ERBB4: variants seen among roughly 807,000 people sequenced by gnomAD.
ERBB4 encodes the protein erb-b2 receptor tyrosine kinase 4, also known as receptor tyrosine-protein kinase erbB-4.
In ERBB4, 42 loss-of-function variants were observed where a neutral mutation model predicts 158.0. The observed-to-expected ratio is 0.27, with a 90% CI of 0.21 to 0.34. ERBB4 has a LOEUF of 0.34. ERBB4 is among the 10% of genes least tolerant of loss of function. The pLI, the probability that ERBB4 is intolerant of heterozygous loss-of-function variation, is 1.00. For synonymous variants in ERBB4, 583 were observed against 558.7 expected (o/e 1.04, Z -0.61); for missense variants, 1,333 against 1,624.1 (o/e 0.82, Z 3.08).
chr2:212,239,334 C>T (rs1250274763), intron 1 of ERBB4, among the ~76,000 whole-genome samples: 1 of 152,222 alleles, frequency 6.6e-6, no homozygotes, highest in African/African-American at 2.4e-5. Flanking sequence ...TGACCCATCA[C>T]ACCCAGCTAG....
At chr2:211,490,897 T>C (rs1448958607) in intron 20 of ERBB4, among the ~76,000 whole-genome samples, 4 of 152,104 alleles carry the variant, frequency 2.6e-5, no homozygotes, top group Non-Finnish European at 5.9e-5. Context: ...TTTGCCTCAG[T>C]TGTGTATAGA....
At chr2:212,530,609 G>C (rs1037002207) in intron 1 of ERBB4, among the ~76,000 whole-genome samples, 1 of 152,152 alleles carries the variant, frequency 6.6e-6, no homozygotes, top group Non-Finnish European at 1.5e-5. Context: ...TATAGTCACA[G>C]AGCCTGGAGA....
chr2:211,383,581 G>A lies in ERBB4; in HGVS notation c.*34C>T, dbSNP rs899718455. The A allele has an allele frequency of 3.2e-6, 5 of 1,563,852 alleles. No homozygotes were observed. The highest frequency in any genetic ancestry group is 1.4e-5 in the African/African-American group (1 of 73,898). Reference sequence around the variant, plus strand: ...GAGGGGGGTGGGGAAATTGGAGCAGGTGTGTCTCTCCACCTAAAAAACCAC... The same window carrying A: ...GAGGGGGGTGGGGAAATTGGAGCAGATGTGTCTCTCCACCTAAAAAACCAC... On this transcript the variant is annotated 3_prime_UTR_variant, in exon 28 of 28. Transcript: ENST00000342788.
At position 211,653,281 on chromosome 2, in the gene ERBB4, A is replaced by G. The variant is rs552015036; in HGVS notation, c.1946+4473T>C. On this transcript the variant is annotated intron_variant, in intron 16 of 27. Coordinates refer to ENST00000342788, the MANE Select transcript of ERBB4 (RefSeq NM_005235.3). Reference sequence around the variant, plus strand: ...ATTCTAGGAGACTAAAGGTAAAAAAAGAAATTCTATTCTATCTTATCCAAT... The same window carrying G: ...ATTCTAGGAGACTAAAGGTAAAAAAGGAAATTCTATTCTATCTTATCCAAT... 3.4e-4 allele frequency among the ~76,000 whole-genome samples: 52 copies of G among 152,338 alleles called. 1 individual carries two copies. In the South Asian group the frequency reaches 0.01, roughly 30 times the overall value.
At chr2:212,531,534 G>C (rs1692758151) in intron 1 of ERBB4, among the ~76,000 whole-genome samples, 1 of 152,184 alleles carries the variant, frequency 6.6e-6, no homozygotes, top group Admixed American at 6.5e-5. Flanking sequence ...TTAGGTCCAA[G>C]GACAGGCCTA....
intron 2 of ERBB4, among the ~76,000 whole-genome samples, chr2:211,976,857 A>G (rs964609334): frequency 1.6e-4 from 24 of 152,302 alleles, no homozygotes; most frequent in African/African-American, 5.5e-4. Flanking sequence ...TATGACTTAC[A>G]CGTTGCAAGA....
chr2:211,500,159 C>T (rs2065581506), intron 20 of ERBB4, among the ~76,000 whole-genome samples: 1 of 152,042 alleles, frequency 6.6e-6, no homozygotes, highest in Non-Finnish European at 1.5e-5. Context: ...TGCTCTGACC[C>T]TAAGTTTTAT....
intron 1 of ERBB4, among the ~76,000 whole-genome samples, chr2:212,518,937 A>T (rs1440187517): frequency 6.6e-6 from 1 of 151,912 alleles, no homozygotes; most frequent in Non-Finnish European, 1.5e-5. Flanking sequence ...CAGTCCTGAG[A>T]CTACTCCAAA....
chr2:211,885,651 G>A (rs1312214046), intron 3 of ERBB4, among the ~76,000 whole-genome samples: 6 of 151,940 alleles, frequency 3.9e-5, no homozygotes, highest in South Asian at 2.1e-4. Context: ...GTAGAGACGC[G>A]GTTTCACCAG....
chr2:211,441,403 A>G (rs1282058965), intron 20 of ERBB4, among the ~76,000 whole-genome samples: 1 of 152,142 alleles, frequency 6.6e-6, no homozygotes, highest in African/African-American at 2.4e-5. Flanking sequence ...GACACATGTG[A>G]TGGTATAGTA....
At chr2:212,368,786 A>T (rs2089983298) in intron 1 of ERBB4, among the ~76,000 whole-genome samples, 2 of 152,088 alleles carry the variant, frequency 1.3e-5, no homozygotes, top group African/African-American at 4.8e-5. Context: ...AATCATAACC[A>T]ATCAGTGGGA....
At chr2:212,341,240 A>G (rs1310849453) in intron 1 of ERBB4, among the ~76,000 whole-genome samples, 1 of 151,806 alleles carries the variant, frequency 6.6e-6, no homozygotes, top group Non-Finnish European at 1.5e-5. Flanking sequence ...GTATTATTAT[A>G]TATTTCTTTT....
rs71409856 is a variant in ERBB4, at chr2:211,701,756, C to CA, written c.1489+210dup. Among the ~76,000 whole-genome samples, 6,951 of 66,416 alleles carry CA rather than the reference C, an allele frequency of 0.1. 1,302 individuals are homozygous for CA. Among genetic ancestry groups the CA allele is most frequent in the East Asian group, 0.15 (248 of 1,650 alleles). The allele number at this position is 66,416 out of a possible 152,430, so 43.6% of individuals were successfully genotyped here. A position where few individuals can be genotyped will look rare whatever the true frequency, so the allele number is the denominator to read the frequency against. On this transcript the variant is annotated intron_variant, in intron 12 of 27. Transcript: ENST00000342788. ...GGGGCAACAGAGCGAGACTCCGTCT[C>CA]AAAAAAAAAAAAAAAAAAAAAAAAA... is the stretch of plus-strand genomic sequence containing the variant.
At chr2:212,535,095 AAAGG>A (rs1479886092) in intron 1 of ERBB4, among the ~76,000 whole-genome samples, 1 of 152,188 alleles carries the variant, frequency 6.6e-6, no homozygotes, top group Admixed American at 6.5e-5. Context: ...AGAGCAAAAA[AAAGG>A]AATACTGATA....
chr2:212,506,313 C>T (rs551163140), intron 1 of ERBB4, among the ~76,000 whole-genome samples: 1 of 148,524 alleles, frequency 6.7e-6, no homozygotes, highest in South Asian at 2.2e-4. Context: ...CAATTAATAA[C>T]CATACAATGG....
At position 211,911,638 on chromosome 2, in the gene ERBB4, A is replaced by C. The variant is rs185638980; in HGVS notation, c.421+35792T>G. ...GGCAATATTTGTTCAAATGACTTGC[A>C]GAAGCCAATGTAAAATCAACATAAG... On this transcript the variant is annotated intron_variant, in intron 3 of 27. Transcript: ENST00000342788. 3.9e-5 allele frequency among the ~76,000 whole-genome samples: 6 copies of C among 152,312 alleles called. No individual in the cohort carries two copies. In the East Asian group the frequency reaches 1.2e-3, roughly 29 times the overall value.
chr2:211,885,058 T>C, intron 3 of ERBB4, among the ~76,000 whole-genome samples: 1 of 152,336 alleles, frequency 6.6e-6, no homozygotes, highest in East Asian at 1.9e-4. Flanking sequence ...GAATTATCTC[T>C]AATATTTTTT....
chr2:212,211,876 C>T (rs980703547), intron 1 of ERBB4, among the ~76,000 whole-genome samples: 3 of 151,924 alleles, frequency 2.0e-5, no homozygotes, highest in Admixed American at 6.6e-5. Flanking sequence ...TACATGTCCT[C>T]GCAAAGGACA....
chr2:212,438,984 G>A (rs745461302), intron 1 of ERBB4, among the ~76,000 whole-genome samples: 32 of 152,104 alleles, frequency 2.1e-4, no homozygotes, highest in Non-Finnish European at 4.4e-4. Flanking sequence ...GACATGGTGC[G>A]TTTTACAATA....
Sources: gnomAD v4.1 joint callset for allele counts (sites outside exome capture counted in the v4.1 genomes callset) on GRCh38, gnomAD v4.1.1 for gene constraint, MANE v1.5 for transcripts, NCBI Gene and HGNC (gene_info 2026-07-23, HGNC 2026-07-21) for gene names.